Variants in CAST observed in about 807,000 individuals in gnomAD.
The protein encoded by CAST is calpastatin, also known as MIR583 host.
Under a neutral mutation model 119.6 loss-of-function variants are expected in CAST, and 76 were observed. That is an observed-to-expected ratio of 0.64 (90% CI 0.53 to 0.77). CAST has a LOEUF of 0.77. Among genes scored for constraint, CAST ranks in the 30% least tolerant of loss-of-function variants. The pLI is 0.00. For synonymous variants in CAST, 319 were observed against 331.6 expected, an observed-to-expected ratio of 0.96 and a Z score of 0.41; for missense variants, 953 against 946.5, an observed-to-expected ratio of 1.01 and a Z score of -0.09.
intron 1 of CAST, among the ~76,000 whole-genome samples, chr5:96,617,065 C>T (rs996593154): frequency 6.6e-6 from 1 of 152,170 alleles, no homozygotes; most frequent in Non-Finnish European, 1.5e-5. Flanking sequence ...GGCTAACACA[C>T]TGGGACAGGT....
the CAST span, among the ~76,000 whole-genome samples, chr5:96,506,807 G>T: frequency 5.9e-5 from 9 of 152,178 alleles, no homozygotes; most frequent in African/African-American, 2.2e-4. Context: ...CTGGCCAGGG[G>T]GCCTGAGGCT....
the CAST span, among the ~76,000 whole-genome samples, chr5:96,083,444 A>G: frequency 6.6e-5 from 10 of 152,218 alleles, no homozygotes; most frequent in Non-Finnish European, 1.3e-4. Context: ...AGAAGTTAGC[A>G]AGTCAGCCAT....
chr5:96,359,373 T>C, the CAST span, among the ~76,000 whole-genome samples: 1 of 152,218 alleles, frequency 6.6e-6, no homozygotes, highest in Non-Finnish European at 1.5e-5. Flanking sequence ...GATCTTGTCA[T>C]TATGATGCTA....
At chr5:95,969,847 C>G in the CAST span, among the ~76,000 whole-genome samples, 2 of 152,142 alleles carry the variant, frequency 1.3e-5, no homozygotes, top group Non-Finnish European at 2.9e-5. Context: ...GCCTCAGAGT[C>G]AACCTATTGA....
At chr5:96,581,462 C>T (rs1157851798) in intron 1 of CAST, among the ~76,000 whole-genome samples, 2 of 152,130 alleles carry the variant, frequency 1.3e-5, no homozygotes, top group Non-Finnish European at 2.9e-5. Context: ...AGTCATATAG[C>T]ATTATCTATT....
At chr5:96,506,548 G>A in the CAST span, among the ~76,000 whole-genome samples, 2 of 152,224 alleles carry the variant, frequency 1.3e-5, no homozygotes, top group South Asian at 4.1e-4. Context: ...TATCAAGGGA[G>A]TCCTGACCAA....
the CAST span, among the ~76,000 whole-genome samples, chr5:96,367,589 G>A: frequency 1.3e-5 from 2 of 152,254 alleles, no homozygotes; most frequent in South Asian, 2.1e-4. Flanking sequence ...TGCTGGCAAT[G>A]AGCTAGGCTC....
intron 24 of CAST, among the ~76,000 whole-genome samples, chr5:96,758,163 A>G (rs1303358395): frequency 1.3e-5 from 2 of 152,186 alleles, no homozygotes; most frequent in Non-Finnish European, 2.9e-5. Context: ...TAGTGTAACT[A>G]ATATCAAGTA....
the CAST span, among the ~76,000 whole-genome samples, chr5:96,421,044 T>C: frequency 6.6e-6 from 1 of 152,226 alleles, no homozygotes; most frequent in African/African-American, 2.4e-5. Flanking sequence ...CCTTGATGTC[T>C]GTGAGAACAT....
chr5:96,320,228 C>CT, the CAST span, among the ~76,000 whole-genome samples: 256 of 97,356 alleles, frequency 2.6e-3, 5 homozygotes, highest in Middle Eastern at 6.4e-3. Flanking sequence ...AAGGCTTTTG[C>CT]TTTTTTTTTT....
chr5:96,388,430 G>T, the CAST span, among the ~76,000 whole-genome samples: 10 of 152,272 alleles, frequency 6.6e-5, no homozygotes, highest in South Asian at 1.7e-3. Context: ...AGCTCCTGGG[G>T]CACACTCTCC....
intron 1 of CAST, among the ~76,000 whole-genome samples, chr5:96,590,234 C>T (rs188794762): frequency 6.6e-6 from 1 of 152,164 alleles, no homozygotes; most frequent in African/African-American, 2.4e-5. Flanking sequence ...CATCTCAGAC[C>T]TACTGAATCA....
At chr5:96,699,320 A>G (rs1753634179) in intron 3 of CAST, among the ~76,000 whole-genome samples, 1 of 152,252 alleles carries the variant, frequency 6.6e-6, no homozygotes, top group Non-Finnish European at 1.5e-5. Context: ...AGACCATGCT[A>G]TTAAGAAGAT....
chr5:96,626,246 C>G (rs1747720181), intron 1 of CAST, among the ~76,000 whole-genome samples: 1 of 152,164 alleles, frequency 6.6e-6, no homozygotes, highest in African/African-American at 2.4e-5. Flanking sequence ...TCCTGTGCTA[C>G]CACCAATGGC....
chr5:95,968,607 A>G, the CAST span, among the ~76,000 whole-genome samples: 6 of 152,310 alleles, frequency 3.9e-5, no homozygotes, highest in African/African-American at 1.2e-4. Flanking sequence ...ACAACATGTC[A>G]TGACAAAAAG....
the CAST span, among the ~76,000 whole-genome samples, chr5:96,382,890 G>T: frequency 7.2e-5 from 11 of 152,126 alleles, no homozygotes; most frequent in African/African-American, 2.7e-4. Flanking sequence ...CTTGAGAAGG[G>T]TTAATCTGGC....
the CAST span, chr5:96,415,967 A>G: frequency 3.2e-5 from 33 of 1,015,826 alleles, no homozygotes; most frequent in Non-Finnish European, 4.9e-5. Context: ...CCCCTCCCCC[A>G]TTTACAATGG....
At chr5:96,743,245 T>C (rs1763051369) in intron 16 of CAST, among the ~76,000 whole-genome samples, 1 of 152,206 alleles carries the variant, frequency 6.6e-6, no homozygotes, top group African/African-American at 2.4e-5. Context: ...TATAGAATAA[T>C]GCTGATGAGT....
chr5:96,637,001 C>A (rs1415438372), intron 1 of CAST, among the ~76,000 whole-genome samples: 1 of 152,138 alleles, frequency 6.6e-6, no homozygotes, highest in Non-Finnish European at 1.5e-5. Flanking sequence ...ATCACAGTCC[C>A]CCCTCTGGGG....
Sources: allele counts gnomAD v4.1 joint callset (sites outside exome capture counted in the v4.1 genomes callset), GRCh38; gene constraint gnomAD v4.1.1; transcripts MANE v1.5; gene names NCBI Gene and HGNC (gene_info 2026-07-23, HGNC 2026-07-21).